AQR: variants seen among roughly 807,000 people sequenced by gnomAD.
AQR encodes the protein RNA helicase aquarius.
In AQR, 61 loss-of-function variants were observed where a neutral mutation model predicts 180.5. The ratio of observed to expected loss-of-function variants is 0.34; its 90% CI spans 0.28 to 0.42. The LOEUF (loss-of-function observed/expected upper bound fraction) is 0.42, where lower values mean the gene tolerates loss of function less well. Ranked by LOEUF, AQR falls within the 10% of genes least tolerant of loss-of-function variation. The pLI is 1.00. For missense variants in AQR, 1,281 were observed against 1,798.3 expected, an observed-to-expected ratio of 0.71 and a Z score of 5.20; for synonymous variants, 551 against 588.8, an observed-to-expected ratio of 0.94 and a Z score of 0.93.
At position 34,875,848 on chromosome 15, in the gene AQR, A is replaced by G. The variant is rs1892882580; in HGVS notation, c.3237+87T>C. 3.1e-6 allele frequency: 3 copies of G among 983,068 alleles called. No homozygotes were observed. In the Admixed American group the frequency reaches 5.8e-5, roughly 19 times the overall value. 60.9% of individuals were successfully genotyped at this position (983,068 alleles called of 1,614,324 possible). The stretch of plus-strand genomic sequence containing the variant: ...AGGAAAATACATAACTATGGCAATC[A>G]GCACACCCAAACTGTACAACTTTCT... On this transcript the variant is annotated intron_variant, in intron 28 of 34. Coordinates refer to ENST00000156471, the MANE Select transcript of AQR (RefSeq NM_014691.3).
rs900976590 is a variant in AQR, at chr15:34,861,720, T to C, written c.4029+1147A>G. On this transcript the variant is annotated intron_variant, in intron 33 of 34. Transcript: ENST00000156471. ...TTGTGTCTAGACTTGAGCCTGACAC[T>C]TGAGGCTTTATGTGACCCTACCACC... 9.9e-5 allele frequency among the ~76,000 whole-genome samples: 15 copies of C among 152,176 alleles called. No individual in the cohort carries two copies. The East Asian group carries it at 1.5e-3, about 16-fold the overall frequency.
At chr15:34,899,982 G>A (rs1019506828) in intron 20 of AQR, among the ~76,000 whole-genome samples, 27 of 151,888 alleles carry the variant, frequency 1.8e-4, no homozygotes, top group African/African-American at 5.8e-4. Flanking sequence ...AGACTTAAAC[G>A]CCTGGGTTCA....
chr15:34,862,942 T>A lies in AQR; in HGVS notation c.3954A>T (p.Pro1318=). The A allele has an allele frequency of 1.2e-6, 2 of 1,613,910 alleles. No homozygotes were observed. The highest frequency in any genetic ancestry group is 1.7e-6 in the Non-Finnish European group (2 of 1,179,876). Residue 1318 remains proline, a synonymous_variant, in exon 33 of 35, where the codon CCA becomes CCT. Coordinates refer to ENST00000156471, the MANE Select transcript of AQR (RefSeq NM_014691.3). ...SLFQNCFELT[P]AFSQLTARPL... is the part of the protein sequence containing the mutation. ...GGCGAGCTGTGAGCTGACTGAAAGC[T>A]GGAGTCAGTTCAAAACAGTTTTGGA...
At chr15:34,937,558 G>A (rs769941817) in intron 9 of AQR, among the ~76,000 whole-genome samples, 2 of 152,022 alleles carry the variant, frequency 1.3e-5, no homozygotes, top group Admixed American at 6.6e-5. Flanking sequence ...TATACCTATA[G>A]AGCTGTTCTT....
chr15:34,920,472 TACTTC>T (rs763489935), intron 13 of AQR, 38 bp from the exon 14 acceptor site: 39 of 1,443,654 alleles, frequency 2.7e-5, no homozygotes, highest in Non-Finnish European at 2.8e-5. Context: ...CATAGTAACT[TACTTC>T]ACTTCACTTT....
intron 13 of AQR, among the ~76,000 whole-genome samples, chr15:34,921,433 CAAAAAAAAA>C: frequency 1.3e-5 from 1 of 74,918 alleles, no homozygotes; most frequent in South Asian, 4.9e-4. Flanking sequence ...GACTCCATCT[CAAAAAAAAA>C]AAAAAAAAAA....
intron 28 of AQR, 40 bp downstream of exon 28, chr15:34,875,895 A>G (rs1892883250): frequency 6.7e-7 from 1 of 1,493,384 alleles, no homozygotes; most frequent in Non-Finnish European, 9.3e-7. Flanking sequence ...CAGCATTCTT[A>G]GAACTCTATT....
chr15:34,871,956 T>TAAAA (rs11321995), intron 30 of AQR, among the ~76,000 whole-genome samples: 1 of 136,462 alleles, frequency 7.3e-6, no homozygotes, highest in Non-Finnish European at 1.6e-5. Flanking sequence ...ACACAATATT[T>TAAAA]AAAAAAAAAA....
At position 34,964,220 on chromosome 15, in the gene AQR, C is replaced by T; in HGVS notation, c.132+14G>A. ...TAACTTCTCAAGAATTATGTTGAAA[C>T]CAAAAATACTTACCTTTATATCAAA... On this transcript the variant is annotated intron_variant, in intron 2 of 34. Coordinates refer to ENST00000156471, the MANE Select transcript of AQR (RefSeq NM_014691.3). The T allele has an allele frequency of 1.3e-6, 2 of 1,581,652 alleles. No homozygotes were observed. Among genetic ancestry groups the T allele is most frequent in the South Asian group, 2.2e-5 (2 of 89,210 alleles).
intron 28 of AQR, 120 bp downstream of exon 28, chr15:34,875,815 T>C (rs1308154368): frequency 3.0e-6 from 2 of 675,770 alleles, no homozygotes; most frequent in Non-Finnish European, 2.5e-6. Context: ...CCAAACATAA[T>C]GAAGTTAAGG....
chr15:34,862,831 G>T (rs1165936539), intron 33 of AQR, 36 bp downstream of exon 33: 2 of 1,604,990 alleles, frequency 1.2e-6, no homozygotes, highest in Non-Finnish European at 1.7e-6. Flanking sequence ...CCACTCTGAG[G>T]AATGCTGTTT....
rs558748858 is a variant in AQR at position 34,893,515 on chromosome 15, G to A, written c.2571+148C>T. ...AGAAAAATGGAGAACAAAGAATAAT[G>A]AAACTAGATTTCTTGAAGAGGAACT... On this transcript the variant is annotated intron_variant, in intron 23 of 34. Transcript: ENST00000156471. 14 of 604,948 alleles carry A rather than the reference G, an allele frequency of 2.3e-5. No individual in the cohort carries two copies. The South Asian group carries it at 3.0e-4, about 13-fold the overall frequency. 37.5% of individuals were successfully genotyped at this position (604,948 alleles called of 1,614,324 possible). A position where few individuals can be genotyped will look rare whatever the true frequency, so the allele number is the denominator to read the frequency against.
chr15:34,877,408 C>T (rs2140464501), intron 27 of AQR, among the ~76,000 whole-genome samples: 1 of 152,244 alleles, frequency 6.6e-6, no homozygotes, highest in Admixed American at 6.5e-5. Flanking sequence ...GATTAACTCT[C>T]CTCTTTTAAA....
chr15:34,930,230 T>C, intron 12 of AQR, 28 bp downstream of exon 12: 6 of 1,405,920 alleles, frequency 4.3e-6, no homozygotes, highest in East Asian at 2.3e-5. Flanking sequence ...TTATGGAGCA[T>C]ACACAGTCTA....
At chr15:34,951,513 A>G (rs1366886566) in intron 4 of AQR, among the ~76,000 whole-genome samples, 1 of 152,086 alleles carries the variant, frequency 6.6e-6, no homozygotes, top group African/African-American at 2.4e-5. Context: ...TCTACTAAAA[A>G]TACAAAAATT....
chr15:34,924,033 A>G (rs1482299714), intron 13 of AQR, among the ~76,000 whole-genome samples: 1 of 152,228 alleles, frequency 6.6e-6, no homozygotes, highest in Admixed American at 6.5e-5. Flanking sequence ...CCTCTTATCC[A>G]TAAGCAAGAC....
At chr15:34,947,069 G>A (rs1399362623) in intron 5 of AQR, among the ~76,000 whole-genome samples, 1 of 152,110 alleles carries the variant, frequency 6.6e-6, no homozygotes, top group Non-Finnish European at 1.5e-5. Context: ...AGAATAGAAA[G>A]AGGGGAAAGG....
At chr15:34,918,426 T>G in intron 14 of AQR, 48 bp from the exon 15 acceptor site, 2 of 1,580,694 alleles carry the variant, frequency 1.3e-6, no homozygotes, top group Non-Finnish European at 1.7e-6. Flanking sequence ...AGCATCTTTT[T>G]TCAATCAAAA....
chr15:34,893,151 C>T (rs1435903384), intron 23 of AQR, among the ~76,000 whole-genome samples: 1 of 152,116 alleles, frequency 6.6e-6, no homozygotes, highest in African/African-American at 2.4e-5. Context: ...CTCAGCAAGG[C>T]AATTTACTTC....
Sources: gnomAD v4.1 joint callset for allele counts (sites outside exome capture counted in the v4.1 genomes callset) on GRCh38, gnomAD v4.1.1 for gene constraint, MANE v1.5 for transcripts, NCBI Gene and HGNC (gene_info 2026-07-23, HGNC 2026-07-21) for gene names.